INTS9: variants seen among roughly 807,000 people sequenced by gnomAD.
The protein encoded by INTS9 is protein related to CPSF subunits of 74 kDa.
In INTS9, 55 loss-of-function variants were observed where a neutral mutation model predicts 79.7. The observed-to-expected ratio is 0.69, with a 90% CI of 0.56 to 0.86. The LOEUF (loss-of-function observed/expected upper bound fraction) is 0.86, where lower values mean the gene tolerates loss of function less well. Among genes scored for constraint, INTS9 ranks in the 40% least tolerant of loss-of-function variants. INTS9 has a pLI of 0.00. For synonymous variants in INTS9, 319 were observed against 325.2 expected (o/e 0.98, Z 0.20); for missense variants, 721 against 831.5 (o/e 0.87, Z 1.64).
intron 14 of INTS9, 26 bp downstream of exon 14, chr8:28,775,733 T>A (rs1438619091): frequency 1.9e-6 from 3 of 1,612,696 alleles, no homozygotes; most frequent in Non-Finnish European, 2.5e-6. Flanking sequence ...AGCTCTAGTT[T>A]AACCCTAGGA....
chr8:28,796,378 A>C (rs1319890171), intron 9 of INTS9, among the ~76,000 whole-genome samples, 166 bp downstream of exon 9: 2 of 152,226 alleles, frequency 1.3e-5, no homozygotes, highest in African/African-American at 2.4e-5. Flanking sequence ...TTCAAAGTGT[A>C]ACACTCTTTT....
intron 1 of INTS9, among the ~76,000 whole-genome samples, chr8:28,868,958 G>A (rs887114938): frequency 1.3e-5 from 2 of 152,074 alleles, no homozygotes; most frequent in Non-Finnish European, 2.9e-5. Flanking sequence ...AATTCGCTGG[G>A]CGTGGTGGCA....
At chr8:28,783,757 C>T (rs1164800969) in intron 11 of INTS9, 1 of 152,170 alleles carries the variant, frequency 6.6e-6, no homozygotes, top group Admixed American at 6.5e-5. Context: ...ACGTTCCTTC[C>T]AGGTAGTCTG....
At chr8:28,777,710 C>T (rs558264342) in intron 13 of INTS9, 119 bp downstream of exon 13, 99 of 1,163,698 alleles carry the variant, frequency 8.5e-5, no homozygotes, top group South Asian at 4.7e-4. Context: ...TCTGCAGATG[C>T]GTGAGAACTG....
chr8:28,797,251 C>T (rs1162315054), intron 8 of INTS9, among the ~76,000 whole-genome samples: 3 of 152,128 alleles, frequency 2.0e-5, no homozygotes, highest in Non-Finnish European at 2.9e-5. Flanking sequence ...CTCTGAAGCA[C>T]AGGAAATAAG....
chr8:28,829,954 C>T (rs550555663), intron 6 of INTS9, among the ~76,000 whole-genome samples: 1 of 152,176 alleles, frequency 6.6e-6, no homozygotes, highest in South Asian at 2.1e-4. Flanking sequence ...TTCCACCAGC[C>T]CATCTCACTC....
chr8:28,780,992 G>A lies in INTS9; in HGVS notation c.1101C>T (p.Leu367=). ...LPEPPFPHAE[L]IQTNKLKHYP... is the part of the protein sequence containing the mutation. ...AGTGCTTCAGCTTATTGGTCTGAAT[G>A]AGCTGGAAAATATAGAAAAAATACA... is the stretch of plus-strand genomic sequence containing the variant. The change falls in exon 12 of 17, where the codon CTC becomes CTT. Residue 367 remains leucine, a splice_region_variant and synonymous_variant. Transcript: ENST00000521022. 2 of 1,612,504 alleles carry A rather than the reference G, an allele frequency of 1.2e-6. No individual in the cohort carries two copies.
intron 14 of INTS9, among the ~76,000 whole-genome samples, chr8:28,774,995 C>T (rs532650595): frequency 6.6e-6 from 1 of 152,300 alleles, no homozygotes; most frequent in South Asian, 2.1e-4. Flanking sequence ...TAGACCAAAA[C>T]CTGCAAGTAT....
intron 6 of INTS9, among the ~76,000 whole-genome samples, chr8:28,817,269 AG>A (rs1805542509): frequency 6.6e-6 from 1 of 151,856 alleles, no homozygotes; most frequent in Admixed American, 6.6e-5. Flanking sequence ...GTTTTCTTCT[AG>A]GGTTTTTATG....
At chr8:28,799,795 C>T (rs1350363955) in intron 8 of INTS9, among the ~76,000 whole-genome samples, 1 of 152,204 alleles carries the variant, frequency 6.6e-6, no homozygotes, top group Non-Finnish European at 1.5e-5. Flanking sequence ...GGTCACTTTG[C>T]AAGCCGGGGA....
intron 15 of INTS9, among the ~76,000 whole-genome samples, 170 bp downstream of exon 15, chr8:28,770,807 TTGGGA>T (rs1312540471): frequency 6.6e-6 from 1 of 152,232 alleles, no homozygotes; most frequent in African/African-American, 2.4e-5. Context: ...GTGGCAGCCC[TTGGGA>T]TGACGTGCGG....
chr8:28,866,783 C>G (rs562851217), intron 1 of INTS9, among the ~76,000 whole-genome samples: 1 of 149,934 alleles, frequency 6.7e-6, no homozygotes, highest in South Asian at 2.1e-4. Flanking sequence ...GAGACCATCC[C>G]GGCAAACACG....
At chr8:28,845,936 TGGAAA>T (rs1022437525) in intron 4 of INTS9, among the ~76,000 whole-genome samples, 4 of 152,016 alleles carry the variant, frequency 2.6e-5, no homozygotes, top group African/African-American at 7.3e-5. Context: ...AGTGTAGAAA[TGGAAA>T]GAGAAGGAAG....
In INTS9 at chr8:28,768,129, T is replaced by G. The variant is rs1802313894; in HGVS notation, c.*17A>C. The G allele has an allele frequency of 1.2e-6, 2 of 1,613,582 alleles. No individual in the cohort carries two copies. Among genetic ancestry groups the G allele is most frequent in the East Asian group, 4.5e-5 (2 of 44,886 alleles). ...GAGGGACTGCAGGATTTCAGGGAAG[T>G]AGCTCAGATGGCCCACTCAGAACTT... On this transcript the variant is annotated 3_prime_UTR_variant, in exon 17 of 17. Coordinates refer to ENST00000521022, the MANE Select transcript of INTS9 (RefSeq NM_018250.4).
At chr8:28,819,210 G>T (rs1805681725) in intron 6 of INTS9, among the ~76,000 whole-genome samples, 1 of 152,072 alleles carries the variant, frequency 6.6e-6, no homozygotes. Flanking sequence ...GAATGTGTTT[G>T]CTCTTGCTTT....
In INTS9 at chr8:28,812,363, A is replaced by G. The variant is rs1246933731; in HGVS notation, c.708T>C (p.Tyr236=). The G allele has an allele frequency of 6.2e-7, 1 of 1,614,140 alleles. No individual in the cohort carries two copies. Among genetic ancestry groups the G allele is most frequent in the Non-Finnish European group, 8.5e-7 (1 of 1,179,966 alleles). Residue 236 remains tyrosine, a synonymous_variant, in exon 8 of 17, where the codon TAT becomes TAC. Transcript: ENST00000521022. The part of the protein sequence containing the change: ...IIQSHYEKVS[Y]VSGSSLLTTH... ...TGGTAAGCAAGGAGGATCCAGAGAC[A>G]TAAGACACTTTCTCGTAATGAGACT...
chr8:28,843,067 A>T (rs1390541559), intron 4 of INTS9, among the ~76,000 whole-genome samples: 5 of 152,222 alleles, frequency 3.3e-5, no homozygotes, highest in Non-Finnish European at 5.9e-5. Flanking sequence ...GAACTTTAAG[A>T]TGCAGTCCCT....
chr8:28,824,039 ATATT>A (rs1806004687), intron 6 of INTS9, among the ~76,000 whole-genome samples: 1 of 152,214 alleles, frequency 6.6e-6, no homozygotes, highest in Non-Finnish European at 1.5e-5. Context: ...AGGTTTTGCA[ATATT>A]TATTCTATAC....
At chr8:28,801,694 C>T (rs555774665) in intron 8 of INTS9, among the ~76,000 whole-genome samples, 1 of 152,284 alleles carries the variant, frequency 6.6e-6, no homozygotes, top group Non-Finnish European at 1.5e-5. Flanking sequence ...TCACTGCAGC[C>T]TCAACCTCCT....
Sources: allele counts gnomAD v4.1 joint callset (sites outside exome capture counted in the v4.1 genomes callset), GRCh38; gene constraint gnomAD v4.1.1; transcripts MANE v1.5; gene names NCBI Gene and HGNC (gene_info 2026-07-23, HGNC 2026-07-21).